The following DNAH8 variants were observed in gnomAD, a reference collection of about 807,000 sequenced individuals.
DNAH8 encodes the protein dynein axonemal heavy chain 8.
DNAH8 carries 382 observed loss-of-function variants against 562.1 expected under a neutral mutation model. That is an observed-to-expected ratio of 0.68 (90% CI 0.63 to 0.74). The LOEUF is 0.74. Among genes scored for constraint, DNAH8 ranks in the 30% least tolerant of loss-of-function variants. The pLI, the probability that DNAH8 is intolerant of heterozygous loss-of-function variation, is 0.00. For synonymous variants in DNAH8, 1,881 were observed against 1,919.4 expected (o/e 0.98, Z 0.52); for missense variants, 5,203 against 5,620.4 (o/e 0.93, Z 2.37).
chr6:38,949,301 A>C (rs1761694864), intron 80 of DNAH8, 151 bp from the exon 81 acceptor site: 1 of 644,028 alleles, frequency 1.6e-6, no homozygotes. Flanking sequence ...TATTCAAGTC[A>C]TTGATCCTGA....
chr6:38,767,258 G>C (rs1055581976), intron 11 of DNAH8, among the ~76,000 whole-genome samples: 1 of 152,136 alleles, frequency 6.6e-6, no homozygotes, highest in Non-Finnish European at 1.5e-5. Flanking sequence ...CCAACATGGT[G>C]AAACACCGTC....
At chr6:38,745,027 C>A (rs983015101) in intron 8 of DNAH8, among the ~76,000 whole-genome samples, 3 of 152,210 alleles carry the variant, frequency 2.0e-5, no homozygotes, top group Admixed American at 2.0e-4. Flanking sequence ...GCCCATACTG[C>A]TCTTTATCTG....
Position 38,971,666 on chromosome 6 carries a change from G to T in DNAH8, c.12525+1G>T. On this transcript the variant is annotated splice_donor_variant, in intron 83 of 92. Transcript: ENST00000327475. LOFTEE classifies it high-confidence loss of function. ...GCTGATTCAGATGTCAATGCAGCAGGTATGTGACAAGAGACTGCTCCTGCT... is the reference window on the plus strand; with the variant it reads ...GCTGATTCAGATGTCAATGCAGCAGTTATGTGACAAGAGACTGCTCCTGCT... 1 of 1,596,502 alleles carries T rather than the reference G, an allele frequency of 6.3e-7. No individual in the cohort carries two copies. Among genetic ancestry groups the T allele is most frequent in the Non-Finnish European group, 8.5e-7 (1 of 1,171,910 alleles).
intron 82 of DNAH8, among the ~76,000 whole-genome samples, chr6:38,958,921 G>A (rs1762441157): frequency 6.6e-6 from 1 of 152,044 alleles, no homozygotes. Context: ...AAATCAAACA[G>A]TGCTCCGAAA....
chr6:38,925,409 C>G (rs1423352692), intron 73 of DNAH8, among the ~76,000 whole-genome samples: 7 of 151,378 alleles, frequency 4.6e-5, no homozygotes, highest in Non-Finnish European at 1.0e-4. Flanking sequence ...GATCATGGCT[C>G]ACAGCAGCCT....
Position 38,984,250 on chromosome 6 carries a change from A to G in DNAH8, c.12996A>G (p.Gln4332=). Residue 4332 remains glutamine (Q), a synonymous_variant, in exon 87 of 93, where the codon CAA becomes CAG. Coordinates refer to ENST00000327475, the MANE Select transcript of DNAH8 (RefSeq NM_001206927.2). The part of the protein sequence containing the change: ...NTVRYMIGEV[Q]YGGRVTDDFD... Reference sequence around the variant, plus strand: ...TTCGGTACATGATCGGAGAAGTACAATATGGAGGCAGAGTGACAGATGACT... The same window carrying G: ...TTCGGTACATGATCGGAGAAGTACAGTATGGAGGCAGAGTGACAGATGACT... The G allele has an allele frequency of 6.2e-7, 1 of 1,610,806 alleles. No individual in the cohort carries two copies. Among genetic ancestry groups the G allele is most frequent in the Non-Finnish European group, 8.5e-7 (1 of 1,176,920 alleles).
chr6:38,741,462 C>CA (rs56804430), intron 7 of DNAH8, among the ~76,000 whole-genome samples: 2,979 of 145,234 alleles, frequency 0.021, 109 homozygotes, highest in African/African-American at 0.069. Flanking sequence ...CCCCCCCGAC[C>CA]AAAAAAAAAA....
chr6:38,807,255 G>A (rs573738166), intron 23 of DNAH8, among the ~76,000 whole-genome samples: 16 of 152,248 alleles, frequency 1.1e-4, no homozygotes, highest in Admixed American at 5.9e-4. Flanking sequence ...TGCCCATGCC[G>A]TTAATCATTG....
chr6:38,862,168 A>G (rs1776685259), intron 43 of DNAH8, 112 bp from the exon 44 acceptor site: 2 of 874,598 alleles, frequency 2.3e-6, no homozygotes, highest in Non-Finnish European at 1.8e-6. Flanking sequence ...TATGTGGGCT[A>G]CTCAGACTCT....
At chr6:38,947,966 G>A (rs1444299218) in intron 80 of DNAH8, among the ~76,000 whole-genome samples, 1 of 151,990 alleles carries the variant, frequency 6.6e-6, no homozygotes, top group South Asian at 2.1e-4. Flanking sequence ...CAAGCTGGTC[G>A]CGAACTCCTG....
chr6:38,959,822 T>C (rs1054607711), intron 82 of DNAH8, among the ~76,000 whole-genome samples: 1 of 151,432 alleles, frequency 6.6e-6, no homozygotes, highest in Non-Finnish European at 1.5e-5. Flanking sequence ...GTCTTGAGCA[T>C]TAAAAAAAAA....
intron 45 of DNAH8, among the ~76,000 whole-genome samples, chr6:38,864,468 G>T (rs1368530604): frequency 6.6e-6 from 1 of 152,154 alleles, no homozygotes; most frequent in African/African-American, 2.4e-5. Flanking sequence ...TGTCCACTGT[G>T]GGTTGACTAG....
At chr6:38,876,719 G>A (rs534879766) in intron 53 of DNAH8, among the ~76,000 whole-genome samples, 3 of 152,144 alleles carry the variant, frequency 2.0e-5, no homozygotes, top group Admixed American at 2.0e-4. Context: ...CTCCTGGGCC[G>A]CTTTCCAAAG....
chr6:38,963,295 A>C, intron 82 of DNAH8, among the ~76,000 whole-genome samples: 1 of 105,180 alleles, frequency 9.5e-6, no homozygotes, highest in African/African-American at 3.6e-5. Flanking sequence ...AGGACATATC[A>C]TATTTATTCA....
At chr6:38,892,138 C>T (rs894619989) in intron 58 of DNAH8, among the ~76,000 whole-genome samples, 1 of 152,088 alleles carries the variant, frequency 6.6e-6, no homozygotes, top group Non-Finnish European at 1.5e-5. Context: ...TCTTCTTTCC[C>T]TCCTCTAAAC....
In DNAH8 at chr6:38,986,627, T is replaced by C. The variant is rs192436602; in HGVS notation, c.13053+2320T>C. 1.2e-3 allele frequency among the ~76,000 whole-genome samples: 179 copies of C among 152,360 alleles called. 3 individuals are homozygous for C. Among genetic ancestry groups the C allele is most frequent in the African/African-American group, 3.9e-3 (163 of 41,590 alleles). ...CTTTGTTAGAATAATTGTAAAAGTA[T>C]CTAAAATTGGAGTTTTAGCAGCAGA... On this transcript the variant is annotated intron_variant, in intron 87 of 92. Coordinates refer to ENST00000327475, the MANE Select transcript of DNAH8 (RefSeq NM_001206927.2).
At chr6:38,882,186 C>G (rs1778547810) in intron 53 of DNAH8, among the ~76,000 whole-genome samples, 1 of 152,174 alleles carries the variant, frequency 6.6e-6, no homozygotes, top group African/African-American at 2.4e-5. Flanking sequence ...GACCTACCAT[C>G]TGACCCACCA....
intron 70 of DNAH8, 59 bp from the exon 71 acceptor site, chr6:38,921,309 CA>C: frequency 6.4e-7 from 1 of 1,562,338 alleles, no homozygotes. Context: ...TGTTATCTAC[CA>C]GTTACAATCA....
intron 21 of DNAH8, among the ~76,000 whole-genome samples, chr6:38,797,511 C>G (rs1414054528): frequency 6.6e-6 from 1 of 152,168 alleles, no homozygotes; most frequent in Non-Finnish European, 1.5e-5. Context: ...CTCCCTCTCT[C>G]CCTTTCCCCT....
Sources: gnomAD v4.1 joint callset for allele counts (sites outside exome capture counted in the v4.1 genomes callset) on GRCh38, gnomAD v4.1.1 for gene constraint, MANE v1.5 for transcripts, NCBI Gene and HGNC (gene_info 2026-07-23, HGNC 2026-07-21) for gene names.